The following SLCO5A1 variants were observed in gnomAD, a reference collection of about 807,000 sequenced individuals.
SLCO5A1 encodes the protein organic anion transporter polypeptide-related protein 4.
SLCO5A1 carries 39 observed loss-of-function variants against 65.1 expected under a neutral mutation model. The observed-to-expected ratio is 0.60, with a 90% CI of 0.46 to 0.78. The LOEUF is 0.78. Among genes scored for constraint, SLCO5A1 ranks in the 30% least tolerant of loss-of-function variants. The pLI is 0.00. For synonymous variants in SLCO5A1, 438 were observed against 415.7 expected, an observed-to-expected ratio of 1.05 and a Z score of -0.65; for missense variants, 1,029 against 1,069.4, an observed-to-expected ratio of 0.96 and a Z score of 0.53.
At position 69,672,994 on chromosome 8, in the gene SLCO5A1, T is replaced by G; in HGVS notation, c.2422A>C (p.Thr808Pro). 6.2e-7 allele frequency: 1 copy of G among 1,614,184 alleles called. No homozygotes were observed. Among genetic ancestry groups the G allele is most frequent in the Non-Finnish European group, 8.5e-7 (1 of 1,180,014 alleles). Residue 808 changes from threonine to proline, a missense_variant, in exon 10 of 10, where the codon ACT becomes CCT. Thr to Pro is a conservative substitution (Grantham distance 38, BLOSUM62 -1). Around this residue, in one of 3 missense-constraint regions of SLCO5A1, gnomAD observed 258 missense variants for 237.4 expected, o/e 1.09. Transcript: ENST00000260126. ...FSTQGEFHEETGLQKGIQCAA... is the reference protein window; with the variant it reads ...FSTQGEFHEEPGLQKGIQCAA... ...CACTGGATCCCTTTTTGCAGGCCAG[T>G]CTCTTCGTGGAATTCTCCCTGGGTG...
intron 5 of SLCO5A1, among the ~76,000 whole-genome samples, chr8:69,706,062 G>T (rs1339551034): frequency 6.6e-6 from 1 of 152,188 alleles, no homozygotes; most frequent in African/African-American, 2.4e-5. Flanking sequence ...ATCATATATG[G>T]TATGTCTATA....
In SLCO5A1 at chr8:69,832,503, G is replaced by A. The variant is rs113487864; in HGVS notation, c.171C>T (p.Ala57=). 6.8e-5 allele frequency: 109 copies of A among 1,609,962 alleles called. No homozygotes were observed. The African/African-American group carries it at 1.3e-3, about 19-fold the overall frequency. ...AATCCACACAGCCAAAGGCCGGGTT[G>A]GCGTCTCCACTAGTGGGACTGAGGC... The part of the protein sequence containing the change: ...RPSLSPTSGD[A]NPAFGCVDSS... The change falls in exon 2 of 10, where the codon GCC becomes GCT. Residue 57 remains alanine (A), a synonymous_variant. Transcript: ENST00000260126. This position sits in a 1 kb window ranked among gnomAD's most constrained non-coding sequence, Gnocchi z 4.5.
At chr8:69,759,077 G>A (rs1817646849) in intron 3 of SLCO5A1, among the ~76,000 whole-genome samples, 1 of 152,190 alleles carries the variant, frequency 6.6e-6, no homozygotes, top group Admixed American at 6.5e-5. Context: ...AATGTCTGTA[G>A]AGCTTAGTAT....
intron 6 of SLCO5A1, among the ~76,000 whole-genome samples, chr8:69,685,595 G>C (rs1004120740): frequency 6.6e-6 from 1 of 152,086 alleles, no homozygotes; most frequent in Non-Finnish European, 1.5e-5. Context: ...CTTATAACTG[G>C]GTGGTCCACA....
In SLCO5A1 at chr8:69,694,964, G is replaced by A. The variant is rs1382378009; in HGVS notation, c.1622+10067C>T. 2.0e-5 allele frequency among the ~76,000 whole-genome samples: 3 copies of A among 152,178 alleles called. No homozygotes were observed. In the East Asian group the frequency reaches 5.8e-4, roughly 29 times the overall value. ...TTCCGTCGAGTTCATAAGAGTTGCA[G>A]CCTCACTATATGAGTAACATCCCTG... On this transcript the variant is annotated intron_variant, in intron 6 of 9. Coordinates refer to ENST00000260126, the MANE Select transcript of SLCO5A1 (RefSeq NM_030958.3).
rs33961429 is a variant in SLCO5A1 at position 69,710,019 on chromosome 8, C to CT, written c.1424-4791dup. Among the ~76,000 whole-genome samples the CT allele has an allele frequency of 1.5e-3, 186 of 122,860 alleles. 1 individual carries two copies. Among genetic ancestry groups the CT allele is most frequent in the Admixed American group, 2.5e-3 (29 of 11,708 alleles). 80.6% of individuals were successfully genotyped at this position (122,860 alleles called of 152,430 possible). A position where few individuals can be genotyped will look rare whatever the true frequency, so the allele number is the denominator to read the frequency against. ...CAGAGTCCTGTGAAATCGGCAACAG[C>CT]TTTTTTTTTTTTTTTTTAGACAGAG... On this transcript the variant is annotated intron_variant, in intron 5 of 9. Coordinates refer to ENST00000260126, the MANE Select transcript of SLCO5A1 (RefSeq NM_030958.3).
rs1821187604 is a variant in SLCO5A1, at chr8:69,832,230, G to A, written c.444C>T (p.Tyr148=). ...TFIQALMVSG[Y]LSSVITTIER... is the part of the protein sequence containing the mutation. ...CAATGGTGGTAATTACGCTGCTCAG[G>A]TACCCAGAGACCATTAACGCCTGGA... The change falls in exon 2 of 10, where the codon TAC becomes TAT. Residue 148 remains tyrosine, a synonymous_variant. Coordinates refer to ENST00000260126, the MANE Select transcript of SLCO5A1 (RefSeq NM_030958.3). The surrounding 1 kb of genome is among the most constrained non-coding windows in gnomAD (Gnocchi z 4.5). 1 of 1,614,018 alleles carries A rather than the reference G, an allele frequency of 6.2e-7. No homozygotes were observed.
At chr8:69,687,554 C>T (rs1371084888) in intron 6 of SLCO5A1, among the ~76,000 whole-genome samples, 1 of 152,084 alleles carries the variant, frequency 6.6e-6, no homozygotes, top group Non-Finnish European at 1.5e-5. Context: ...ACTTATATGG[C>T]TTTTCAAAAT....
At chr8:69,816,472 T>C (rs1437331088) in intron 2 of SLCO5A1, among the ~76,000 whole-genome samples, 1 of 152,108 alleles carries the variant, frequency 6.6e-6, no homozygotes, top group African/African-American at 2.4e-5. Context: ...GGGACCCCCA[T>C]CTCTTTTTCT....
rs777478757 is a variant in SLCO5A1, at chr8:69,755,493, C to T, written c.1189G>A (p.Glu397Lys). 3.7e-6 allele frequency: 6 copies of T among 1,613,948 alleles called. No individual in the cohort carries two copies. The South Asian group carries it at 6.6e-5, about 18-fold the overall frequency. The change falls in exon 4 of 10, where the codon GAG becomes AAG. Residue 397 changes from glutamate (E) to lysine (K), a missense_variant. Glu to Lys is a moderately conservative substitution (Grantham distance 56). Coordinates refer to ENST00000260126, the MANE Select transcript of SLCO5A1 (RefSeq NM_030958.3). ...GCTTGTTCACTGTTGTTTGATTTCT[C>T]CTTCAGAACATCGTCATCACTAACA... ...DAVSDDDVLK[E>K]KSNNSEQADK...
chr8:69,693,942 A>C (rs1814382494), intron 6 of SLCO5A1, among the ~76,000 whole-genome samples: 1 of 152,240 alleles, frequency 6.6e-6, no homozygotes. Context: ...GCCCATACTC[A>C]GACAGCCAGT....
intron 5 of SLCO5A1, among the ~76,000 whole-genome samples, chr8:69,729,746 C>T (rs1239309396): frequency 6.6e-6 from 1 of 152,048 alleles, no homozygotes; most frequent in Non-Finnish European, 1.5e-5. Context: ...ATGCTGCAAG[C>T]ATGGACATCC....
chr8:69,801,671 T>C (rs955670326), intron 2 of SLCO5A1, among the ~76,000 whole-genome samples: 5 of 152,192 alleles, frequency 3.3e-5, no homozygotes, highest in Admixed American at 3.3e-4. Context: ...ACCTAGATGA[T>C]GGTATTTGAT....
chr8:69,710,039 A>C (rs1815160412), intron 5 of SLCO5A1, among the ~76,000 whole-genome samples: 1 of 34,418 alleles, frequency 2.9e-5, no homozygotes, highest in Non-Finnish European at 7.2e-5. Context: ...TTTTTTTTAG[A>C]CAGAGTTTCA....
At chr8:69,822,874 T>C (rs2130921807) in intron 2 of SLCO5A1, among the ~76,000 whole-genome samples, 1 of 152,314 alleles carries the variant, frequency 6.6e-6, no homozygotes, top group Non-Finnish European at 1.5e-5. Flanking sequence ...TTCTAAGGCA[T>C]GGGGCCAATT....
At chr8:69,772,737 A>G (rs1777499579) in intron 2 of SLCO5A1, among the ~76,000 whole-genome samples, 1 of 152,048 alleles carries the variant, frequency 6.6e-6, no homozygotes, top group African/African-American at 2.4e-5. Flanking sequence ...GAGGGGCCCA[A>G]TCAAAACCAG....
Position 69,682,354 on chromosome 8 carries a change from A to G in SLCO5A1, c.1623-11T>C. On this transcript the variant is annotated splice_polypyrimidine_tract_variant and intron_variant, in intron 6 of 9. Transcript: ENST00000260126. ...ATGGTGAGAGAAGGTCTAAGAGAGA[A>G]GAGAAGCAGATCATGAGCAACACTT... is the stretch of plus-strand genomic sequence containing the variant. The G allele has an allele frequency of 6.5e-7, 1 of 1,547,996 alleles. No individual in the cohort carries two copies. The highest frequency in any genetic ancestry group is 8.7e-7 in the Non-Finnish European group (1 of 1,151,562).
chr8:69,798,130 G>C (rs1373503655), intron 2 of SLCO5A1, among the ~76,000 whole-genome samples: 14 of 152,034 alleles, frequency 9.2e-5, no homozygotes, highest in Admixed American at 9.2e-4. Flanking sequence ...AAATATCGGG[G>C]GTGAATTTCA....
At chr8:69,803,905 G>A (rs1398367174) in intron 2 of SLCO5A1, among the ~76,000 whole-genome samples, 2 of 151,964 alleles carry the variant, frequency 1.3e-5, no homozygotes, top group African/African-American at 4.8e-5. Context: ...TCATGCCACA[G>A]CACTGCAGCC....
Sources: allele counts gnomAD v4.1 joint callset (sites outside exome capture counted in the v4.1 genomes callset), GRCh38; gene constraint gnomAD v4.1.1; regional missense constraint gnomAD v4.1.1; non-coding constraint Gnocchi (gnomAD v3.1); transcripts MANE v1.5; gene names NCBI Gene and HGNC (gene_info 2026-07-23, HGNC 2026-07-21).